CAB39: variants seen among roughly 807,000 people sequenced by gnomAD.
CAB39 encodes calcium binding protein 39.
In CAB39, 8 loss-of-function variants were observed where a neutral mutation model predicts 40.0. The ratio of observed to expected loss-of-function variants is 0.20; its 90% CI spans 0.12 to 0.36. The LOEUF (loss-of-function observed/expected upper bound fraction) is 0.36, where lower values mean the gene tolerates loss of function less well. CAB39 is among the 10% of genes least tolerant of loss of function. The probability of loss-of-function intolerance (pLI) is 1.00; values close to 1 mark genes in which losing one functional copy is unlikely to be tolerated. For synonymous variants in CAB39, 156 were observed against 141.6 expected (o/e 1.10, Z -0.72); for missense variants, 270 against 401.1 (o/e 0.67, Z 2.79).
intron 4 of CAB39, among the ~76,000 whole-genome samples, chr2:230,794,779 A>C: frequency 6.6e-6 from 1 of 152,224 alleles, no homozygotes; most frequent in East Asian, 1.9e-4. Flanking sequence ...TTCAACAGTT[A>C]CGAATGTTCT....
intron 1 of CAB39, among the ~76,000 whole-genome samples, chr2:230,748,098 T>A (rs1559596629): frequency 6.6e-6 from 1 of 152,102 alleles, no homozygotes; most frequent in Non-Finnish European, 1.5e-5. Context: ...ATTATTTAAG[T>A]CTCTGCTGTC....
intron 2 of CAB39, among the ~76,000 whole-genome samples, chr2:230,781,043 C>T (rs998468273): frequency 6.0e-5 from 9 of 150,506 alleles, no homozygotes; most frequent in South Asian, 4.2e-4. Context: ...AATTGCACCA[C>T]GGCATTCCAC....
At chr2:230,738,010 C>T (rs1179638099) in intron 1 of CAB39, among the ~76,000 whole-genome samples, 1 of 152,274 alleles carries the variant, frequency 6.6e-6, no homozygotes, top group Admixed American at 6.5e-5. Flanking sequence ...CAGAGCTTGA[C>T]GAAATTACAA....
chr2:230,799,418 G>A (rs1257875412), intron 5 of CAB39, among the ~76,000 whole-genome samples: 1 of 152,178 alleles, frequency 6.6e-6, no homozygotes, highest in South Asian at 2.1e-4. Context: ...AATGTAGAGC[G>A]TGGACAGAAT....
chr2:230,718,161 T>A (rs1223696987), intron 1 of CAB39, among the ~76,000 whole-genome samples: 1 of 152,208 alleles, frequency 6.6e-6, no homozygotes, highest in African/African-American at 2.4e-5. Flanking sequence ...CCAGCAAAAA[T>A]TGTTGAGGAC....
In CAB39 at chr2:230,725,300, T is replaced by C. The variant is rs148783438; in HGVS notation, c.-44+12070T>C. The C allele has an allele frequency of 2.1e-3, 3,251 of 1,573,318 alleles. 74 individuals are homozygous for C. In the African/African-American group the frequency reaches 0.039, roughly 19 times the overall value. Reference sequence around the variant, plus strand: ...GTAGGCCTTGTCAAAGCCCCTTTCCTCCAGCTTCTTGCCCAGGACTTCACC... The same window carrying C: ...GTAGGCCTTGTCAAAGCCCCTTTCCCCCAGCTTCTTGCCCAGGACTTCACC... On this transcript the variant is annotated intron_variant, in intron 1 of 8. Transcript: ENST00000258418.
intron 5 of CAB39, among the ~76,000 whole-genome samples, chr2:230,809,391 G>T (rs145115875): frequency 1.3e-4 from 20 of 152,302 alleles, no homozygotes; most frequent in Admixed American, 3.3e-4. Flanking sequence ...GATGATTGGC[G>T]CTATCTTCTT....
At chr2:230,776,197 G>C (rs1201803997) in intron 2 of CAB39, among the ~76,000 whole-genome samples, 2 of 152,174 alleles carry the variant, frequency 1.3e-5, no homozygotes, top group Non-Finnish European at 2.9e-5. Context: ...GACAACCTAA[G>C]GGTATACTGA....
chr2:230,730,754 A>T (rs1694673989), intron 1 of CAB39, among the ~76,000 whole-genome samples: 1 of 152,178 alleles, frequency 6.6e-6, no homozygotes, highest in Non-Finnish European at 1.5e-5. Flanking sequence ...AAGAAAACTT[A>T]TATGAATATC....
At chr2:230,790,833 G>GT (rs767112519) in intron 2 of CAB39, 39 bp from the exon 3 acceptor site, 4 of 1,544,438 alleles carry the variant, frequency 2.6e-6, no homozygotes, top group Non-Finnish European at 3.5e-6. Context: ...AAAATGAATT[G>GT]TTTTTTCTCC....
At chr2:230,758,150 T>C (rs990264767) in intron 1 of CAB39, among the ~76,000 whole-genome samples, 3 of 151,936 alleles carry the variant, frequency 2.0e-5, no homozygotes, top group Non-Finnish European at 4.4e-5. Flanking sequence ...ATACAAAAAT[T>C]AGCTGGGTTG....
rs1379117556 is a variant in CAB39, at chr2:230,749,007, G to A, written c.-43-10952G>A. 1.4e-4 allele frequency among the ~76,000 whole-genome samples: 20 copies of A among 141,792 alleles called. 1 individual carries two copies. The East Asian group carries it at 2.8e-3, about 20-fold the overall frequency. 93.0% of individuals were successfully genotyped at this position (141,792 alleles called of 152,430 possible). On this transcript the variant is annotated intron_variant, in intron 1 of 8. Coordinates refer to ENST00000258418, the MANE Select transcript of CAB39 (RefSeq NM_016289.4). ...GGATAAATGTGCGCCCCCCGCCCCC[G>A]TGTTTTTTTTTTAAACCAATTGTTG...
At chr2:230,800,077 T>C (rs1005936930) in intron 5 of CAB39, among the ~76,000 whole-genome samples, 107 of 152,036 alleles carry the variant, frequency 7.0e-4, no homozygotes, top group Non-Finnish European at 1.5e-3. Flanking sequence ...CATACTGATA[T>C]GCAGACGACC....
At chr2:230,739,165 C>T (rs1694834822) in intron 1 of CAB39, among the ~76,000 whole-genome samples, 1 of 152,180 alleles carries the variant, frequency 6.6e-6, no homozygotes, top group Non-Finnish European at 1.5e-5. Flanking sequence ...ATCATATGGA[C>T]TATGTTTACA....
At chr2:230,764,524 C>T in intron 2 of CAB39, among the ~76,000 whole-genome samples, 1 of 152,182 alleles carries the variant, frequency 6.6e-6, no homozygotes, top group East Asian at 1.9e-4. Context: ...CTGACATATA[C>T]AGATCTCCCA....
rs192334870 is a variant in CAB39 at position 230,713,563 on chromosome 2, G to A, written c.-44+333G>A. 5.2e-3 allele frequency: 795 copies of A among 152,552 alleles called. 3 individuals are homozygous for A. The highest frequency in any genetic ancestry group is 0.028 in the South Asian group (136 of 4,840). 9.4% of individuals were successfully genotyped at this position (152,552 alleles called of 1,614,324 possible). On this transcript the variant is annotated intron_variant, in intron 1 of 8. Coordinates refer to ENST00000258418, the MANE Select transcript of CAB39 (RefSeq NM_016289.4). ...TCCGGGCCGGAGTCGGGCGGGCGGGGAAGTGCGGGCCGGGTCAACTGTCAC... is the reference window on the plus strand; with the variant it reads ...TCCGGGCCGGAGTCGGGCGGGCGGGAAAGTGCGGGCCGGGTCAACTGTCAC...
intron 1 of CAB39, among the ~76,000 whole-genome samples, chr2:230,720,058 A>G (rs192076377): frequency 0.011 from 1,669 of 152,310 alleles, 23 homozygotes; most frequent in Non-Finnish European, 0.019. Context: ...TAAATGTTTT[A>G]TGGTTGTAAA....
intron 1 of CAB39, among the ~76,000 whole-genome samples, chr2:230,740,145 AC>A (rs2124888224): frequency 6.6e-6 from 1 of 152,352 alleles, no homozygotes; most frequent in African/African-American, 2.4e-5. Flanking sequence ...TCTGTACGCC[AC>A]CAGTGATACT....
chr2:230,765,141 C>T (rs1165720886), intron 2 of CAB39, among the ~76,000 whole-genome samples: 1 of 152,124 alleles, frequency 6.6e-6, no homozygotes, highest in Middle Eastern at 3.2e-3. Flanking sequence ...CGTGCACCAC[C>T]ATACTCAGCT....
Sources: gnomAD v4.1 joint callset for allele counts (sites outside exome capture counted in the v4.1 genomes callset) on GRCh38, gnomAD v4.1.1 for gene constraint, MANE v1.5 for transcripts, NCBI Gene and HGNC (gene_info 2026-07-23, HGNC 2026-07-21) for gene names.